CNBD1: variants seen among roughly 807,000 people sequenced by gnomAD.
CNBD1 encodes the protein cyclic nucleotide-binding domain-containing protein 1.
CNBD1 carries 71 observed loss-of-function variants against 54.4 expected under a neutral mutation model. The ratio of observed to expected loss-of-function variants is 1.30; its 90% CI spans 1.08 to 1.59. The LOEUF (loss-of-function observed/expected upper bound fraction) is 1.59, where lower values mean the gene tolerates loss of function less well. Ranked by LOEUF, CNBD1 falls within the 40% of genes most tolerant of loss-of-function variation. CNBD1 has a pLI of 0.00. For missense variants in CNBD1, 659 were observed against 518.0 expected (o/e 1.27, Z -2.64); for synonymous variants, 182 against 170.7 (o/e 1.07, Z -0.51).
rs1805777190 is a variant in CNBD1, at chr8:87,416,000, C to T, written c.214-12546C>T. On this transcript the variant is annotated intron_variant, in intron 2 of 7. Coordinates refer to the CNBD1 transcript ENST00000521593. ...ACATTAACAAAAAAAATTACATCCA[C>T]ACACACATACACACACAAAAATAGA... 2.6e-5 allele frequency among the ~76,000 whole-genome samples: 4 copies of T among 151,864 alleles called. No individual in the cohort carries two copies. The South Asian group carries it at 6.2e-4, about 24-fold the overall frequency.
In CNBD1 at chr8:87,351,730, ACT is replaced by A; in HGVS notation, c.1091_1092del (p.Ser364TrpfsTer4). On this transcript the variant is annotated frameshift_variant, in exon 9 of 11. Transcript: ENST00000518476. LOFTEE classifies it high-confidence loss of function. ...ATAATTTCTTTTGTGGGTTATATTA[ACT>A]CTGGATGCTGTAACATTTATAGAAG... is the stretch of plus-strand genomic sequence containing the variant. 2 of 1,537,158 alleles carry A rather than the reference ACT, an allele frequency of 1.3e-6. No homozygotes were observed. Among genetic ancestry groups the A allele is most frequent in the East Asian group, 2.4e-5 (1 of 41,318 alleles).
intron 6 of CNBD1, among the ~76,000 whole-genome samples, chr8:87,241,730 A>C (rs1807712720): frequency 6.6e-6 from 1 of 152,188 alleles, no homozygotes; most frequent in Non-Finnish European, 1.5e-5. Flanking sequence ...GCCTATGTAA[A>C]AAAATAGTTT....
intron 4 of CNBD1, among the ~76,000 whole-genome samples, chr8:87,061,969 A>G (rs1586230420): frequency 2.6e-5 from 4 of 152,142 alleles, no homozygotes. Context: ...TTTTCAACTG[A>G]GCAATGAATG....
At chr8:87,388,803 G>C (rs1307086842) in intron 2 of CNBD1, among the ~76,000 whole-genome samples, 1 of 152,082 alleles carries the variant, frequency 6.6e-6, no homozygotes, top group Non-Finnish European at 1.5e-5. Flanking sequence ...AACAAAAAAA[G>C]ACAATTTTAG....
At chr8:87,187,987 A>G (rs563577098) in intron 4 of CNBD1, among the ~76,000 whole-genome samples, 1 of 152,174 alleles carries the variant, frequency 6.6e-6, no homozygotes, top group South Asian at 2.1e-4. Flanking sequence ...TGCCCTGCCT[A>G]TCATCTTAGC....
intron 4 of CNBD1, among the ~76,000 whole-genome samples, chr8:87,023,107 G>A (rs73273644): frequency 0.03 from 4,585 of 152,256 alleles, 237 homozygotes; most frequent in African/African-American, 0.1. Flanking sequence ...CCTTTGAAAT[G>A]AAAGTTACTG....
intron 1 of CNBD1, among the ~76,000 whole-genome samples, chr8:86,885,169 T>C (rs933384152): frequency 2.0e-5 from 3 of 152,194 alleles, no homozygotes; most frequent in Admixed American, 2.0e-4. Flanking sequence ...ATTTCTAACT[T>C]CCATCACATG....
intron 4 of CNBD1, among the ~76,000 whole-genome samples, chr8:87,032,939 G>T (rs1396429375): frequency 6.6e-6 from 1 of 151,980 alleles, no homozygotes; most frequent in African/African-American, 2.4e-5. Context: ...CTTGATTTTC[G>T]TCAAGATTCA....
At chr8:87,272,821 T>A (rs900483862) in intron 6 of CNBD1, among the ~76,000 whole-genome samples, 1 of 151,990 alleles carries the variant, frequency 6.6e-6, no homozygotes, top group Admixed American at 6.6e-5. Context: ...AAACCTTATG[T>A]GCTAACTTTA....
intron 8 of CNBD1, among the ~76,000 whole-genome samples, chr8:87,327,218 A>G (rs1323968825): frequency 6.9e-6 from 1 of 145,394 alleles, no homozygotes. Flanking sequence ...GCTGTCAGAC[A>G]GGGACATTTA....
intron 4 of CNBD1, among the ~76,000 whole-genome samples, chr8:87,184,574 A>G (rs1286887196): frequency 6.6e-6 from 1 of 152,130 alleles, no homozygotes; most frequent in Non-Finnish European, 1.5e-5. Flanking sequence ...CATGGGGGTC[A>G]TGGGGTCTCC....
At chr8:86,975,195 T>C (rs1808313997) in intron 4 of CNBD1, among the ~76,000 whole-genome samples, 2 of 152,070 alleles carry the variant, frequency 1.3e-5, no homozygotes, top group Non-Finnish European at 2.9e-5. Context: ...ATGATTGAAT[T>C]AGGTAAATTA....
At chr8:86,961,601 C>A (rs989728785) in intron 4 of CNBD1, among the ~76,000 whole-genome samples, 2 of 152,196 alleles carry the variant, frequency 1.3e-5, no homozygotes, top group African/African-American at 4.8e-5. Context: ...TCCAGAGGAT[C>A]CCCTGGGATG....
chr8:87,392,810 G>A (rs1198365478), intron 2 of CNBD1, among the ~76,000 whole-genome samples: 4 of 151,906 alleles, frequency 2.6e-5, no homozygotes, highest in African/African-American at 4.8e-5. Flanking sequence ...TGTGTTGTAC[G>A]TGACTTATAT....
chr8:87,160,933 A>G (rs1015770322), intron 4 of CNBD1, among the ~76,000 whole-genome samples: 3 of 152,082 alleles, frequency 2.0e-5, no homozygotes, highest in African/African-American at 7.2e-5. Context: ...TATGACACAA[A>G]CATCTCGTGT....
chr8:87,031,128 G>A (rs560460960), intron 4 of CNBD1, among the ~76,000 whole-genome samples: 5 of 151,428 alleles, frequency 3.3e-5, no homozygotes, highest in South Asian at 2.1e-4. Flanking sequence ...TTTCAGCATC[G>A]ATATATAATT....
intron 10 of CNBD1, among the ~76,000 whole-genome samples, chr8:87,357,371 G>T (rs1810439873): frequency 6.6e-6 from 1 of 152,156 alleles, no homozygotes; most frequent in Non-Finnish European, 1.5e-5. Context: ...AAGAAGCCAC[G>T]TGGGCTGCAT....
chr8:87,409,550 T>A (rs1260333148), intron 2 of CNBD1, among the ~76,000 whole-genome samples: 3 of 152,206 alleles, frequency 2.0e-5, no homozygotes, highest in Admixed American at 6.5e-5. Context: ...AACAGCCCAA[T>A]TTTGGAAGCA....
chr8:86,980,587 T>C (rs1808465244), intron 4 of CNBD1, among the ~76,000 whole-genome samples: 1 of 152,214 alleles, frequency 6.6e-6, no homozygotes, highest in Non-Finnish European at 1.5e-5. Context: ...CACTCATGTA[T>C]TGTAGAATCA....
Sources: gnomAD v4.1 joint callset for allele counts (sites outside exome capture counted in the v4.1 genomes callset) on GRCh38, gnomAD v4.1.1 for gene constraint, MANE v1.5 for transcripts, NCBI Gene and HGNC (gene_info 2026-07-23, HGNC 2026-07-21) for gene names.